Variants in WNT2B observed in about 807,000 individuals in gnomAD.
WNT2B encodes the protein Wnt family member 2B, also known as protein Wnt-2b.
In WNT2B, 19 loss-of-function variants were observed where a neutral mutation model predicts 40.5. The observed-to-expected ratio is 0.47, with a 90% confidence interval of 0.33 to 0.69. The LOEUF (loss-of-function observed/expected upper bound fraction) is 0.69, where lower values mean the gene tolerates loss of function less well. WNT2B is among the 30% of genes least tolerant of loss of function. The pLI, the probability that WNT2B is intolerant of heterozygous loss-of-function variation, is 0.02. For missense variants in WNT2B, 467 were observed against 556.4 expected, an observed-to-expected ratio of 0.84 and a Z score of 1.62; for synonymous variants, 220 against 211.9, an observed-to-expected ratio of 1.04 and a Z score of -0.33.
intron 1 of WNT2B, among the ~76,000 whole-genome samples, chr1:112,496,985 C>A (rs974332716): frequency 6.6e-6 from 1 of 152,198 alleles, no homozygotes; most frequent in South Asian, 2.1e-4. Context: ...AGGCAAACAA[C>A]GTTAAATCCT....
intron 1 of WNT2B, among the ~76,000 whole-genome samples, chr1:112,483,181 T>TACACACACAC (rs58250277): frequency 8.4e-4 from 119 of 141,232 alleles, no homozygotes; most frequent in African/African-American, 9.9e-4. Flanking sequence ...GCAACATAGA[T>TACACACACAC]ACACACACAC....
chr1:112,505,589 A>G (rs1557917385), upstream of WNT2B, among the ~76,000 whole-genome samples: 1 of 152,240 alleles, frequency 6.6e-6, no homozygotes, highest in Non-Finnish European at 1.5e-5. Context: ...TCTGCCTGGC[A>G]GCCCCACAAC....
chr1:112,490,492 CTT>C (rs200730941), intron 1 of WNT2B, among the ~76,000 whole-genome samples: 15 of 142,516 alleles, frequency 1.1e-4, no homozygotes, highest in Admixed American at 2.1e-4. Context: ...AACTCATATT[CTT>C]TTTTTTTTTT....
At chr1:112,495,793 T>C (rs932765829) in intron 1 of WNT2B, among the ~76,000 whole-genome samples, 1 of 152,178 alleles carries the variant, frequency 6.6e-6, no homozygotes, top group Non-Finnish European at 1.5e-5. Context: ...TTGGGCAGTT[T>C]ATAAAGGACA....
At chr1:112,514,359 C>A (rs1652452756) in intron 1 of WNT2B, among the ~76,000 whole-genome samples, 1 of 152,144 alleles carries the variant, frequency 6.6e-6, no homozygotes, top group Non-Finnish European at 1.5e-5. Context: ...GTAAACGTTA[C>A]TCAGATTGCT....
At chr1:112,484,063 C>T (rs9429481) in intron 1 of WNT2B, among the ~76,000 whole-genome samples, 3,085 of 147,734 alleles carry the variant, frequency 0.021, 99 homozygotes, top group African/African-American at 0.07. Context: ...GAGTTCAAGA[C>T]GAACCTGAGC....
At position 112,471,545 on chromosome 1, in the gene WNT2B, A is replaced by G. The variant is rs114218041; in HGVS notation, c.-95+3954A>G. On this transcript the variant is annotated intron_variant, in intron 1 of 4. Coordinates refer to the WNT2B transcript ENST00000256640. ...CTAATGTCTCTAGTCAGCCATTTTG[A>G]ACCCCTATCTCAGTTTTTTGAGAGA... 5.2e-3 allele frequency among the ~76,000 whole-genome samples: 788 copies of G among 152,284 alleles called. 4 individuals carry two copies. Among genetic ancestry groups the G allele is most frequent in the African/African-American group, 0.018 (745 of 41,556 alleles).
chr1:112,513,286 T>C (rs976224910), intron 1 of WNT2B, among the ~76,000 whole-genome samples: 7 of 152,198 alleles, frequency 4.6e-5, no homozygotes, highest in Admixed American at 1.3e-4. Context: ...TCAGGCAGCC[T>C]TTCCGGCCTG....
Position 112,516,375 on chromosome 1 carries a change from C to T in WNT2B, c.639C>T (p.Ala213=), listed in dbSNP as rs777884674. The T allele has an allele frequency of 6.2e-7, 1 of 1,613,784 alleles. No homozygotes were observed. The highest frequency in any genetic ancestry group is 8.5e-7 in the Non-Finnish European group (1 of 1,179,984). The part of the protein sequence containing the change: ...VDAKEKRLKD[A]RALMNLHNNR... The stretch of plus-strand genomic sequence containing the variant: ...CCAAGGAGAAGAGGCTTAAGGATGC[C>T]CGGGCCCTCATGAACTTACATAATA... The change falls in exon 3 of 5, where the codon GCC becomes GCT. Residue 213 remains alanine, a synonymous_variant. Transcript: ENST00000369684.
upstream of WNT2B, chr1:112,508,788 G>C (rs1652221458): frequency 2.0e-6 from 2 of 987,852 alleles, no homozygotes; most frequent in South Asian, 4.7e-5. This position sits in a 1 kb window ranked among gnomAD's most constrained non-coding sequence, Gnocchi z 4.2. Context: ...GAGCAGGTGG[G>C]GGTGCAGCGC....
chr1:112,517,302 G>A lies in WNT2B; in HGVS notation c.863G>A (p.Arg288His), dbSNP rs143127439. ...TQDGANFTAA[R>H]QGYRRATRTD... ...GATGGTGCCAACTTCACCGCAGCCC[G>A]CCAAGGCTATCGCCGTGCCACCCGG... The change falls in exon 4 of 5, where the codon CGC becomes CAC. Residue 288 changes from arginine (R) to histidine (H), a missense_variant. By Grantham distance (29) the Arg-to-His change is conservative. This residue lies in a region of WNT2B where 330 missense variants were observed against 438.6 expected (regional missense o/e 0.75). Coordinates refer to ENST00000369684, the MANE Select transcript of WNT2B (RefSeq NM_024494.3). The A allele has an allele frequency of 2.4e-5, 39 of 1,614,152 alleles. No individual in the cohort carries two copies. Among genetic ancestry groups the A allele is most frequent in the Middle Eastern group, 1.6e-4 (1 of 6,062 alleles).
chr1:112,519,879 T>TTTTTTTG (rs1652766198), intron 4 of WNT2B, among the ~76,000 whole-genome samples: 1 of 148,640 alleles, frequency 6.7e-6, no homozygotes, highest in South Asian at 2.1e-4. Flanking sequence ...CTTCTTTTTT[T>TTTTTTTG]TTTTTTTTTT....
chr1:112,511,520 T>G (rs1570791236), intron 1 of WNT2B, among the ~76,000 whole-genome samples: 1 of 152,210 alleles, frequency 6.6e-6, no homozygotes, highest in African/African-American at 2.4e-5. Flanking sequence ...GGAAGAGAAA[T>G]GCCTGTTGAC....
chr1:112,479,523 A>G (rs1296837364), intron 1 of WNT2B, among the ~76,000 whole-genome samples: 1 of 151,020 alleles, frequency 6.6e-6, no homozygotes, highest in East Asian at 2.0e-4. Context: ...GCAGTGAGCC[A>G]AGATCACACC....
chr1:112,469,977 T>C (rs1447641193), intron 1 of WNT2B, among the ~76,000 whole-genome samples: 1 of 152,232 alleles, frequency 6.6e-6, no homozygotes, highest in Non-Finnish European at 1.5e-5. Context: ...GAGTAGCTCA[T>C]CTTTTAGTCA....
chr1:112,490,437 T>C (rs1046671355), intron 1 of WNT2B, among the ~76,000 whole-genome samples: 2 of 151,986 alleles, frequency 1.3e-5, no homozygotes, highest in Non-Finnish European at 2.9e-5. Context: ...AGAAAGGGGC[T>C]CAAAGAGAGA....
At position 112,479,431 on chromosome 1, in the gene WNT2B, G is replaced by A. The variant is rs562662567; in HGVS notation, c.-95+11840G>A. On this transcript the variant is annotated intron_variant, in intron 1 of 4. Coordinates refer to the WNT2B transcript ENST00000256640. ...TCTACTAAAAATACAAAAATTAGCC[G>A]GTTGTGGTGGCAGGCACCTGTAATC... Among the ~76,000 whole-genome samples, 49 of 151,218 alleles carry A rather than the reference G, an allele frequency of 3.2e-4. No individual in the cohort carries two copies. The East Asian group carries it at 5.7e-3, about 18-fold the overall frequency.
Position 112,515,476 on chromosome 1 carries a change from C to G in WNT2B, c.403+382C>G, listed in dbSNP as rs913356469. 1.3e-5 allele frequency among the ~76,000 whole-genome samples: 2 copies of G among 152,106 alleles called. No homozygotes were observed. The highest frequency in any genetic ancestry group is 4.8e-5 in the African/African-American group (2 of 41,358). ...TATCGTCACCCCAACACTCCCAACA[C>G]TACAGTAATGGGAACAAAAGATAAA... On this transcript the variant is annotated intron_variant, in intron 2 of 4. Transcript: ENST00000369684. The surrounding 1 kb of genome is among the most constrained non-coding windows in gnomAD (Gnocchi z 4.4).
At chr1:112,482,255 G>C (rs139450887) in intron 1 of WNT2B, among the ~76,000 whole-genome samples, 57 of 152,176 alleles carry the variant, frequency 3.7e-4, no homozygotes, top group African/African-American at 1.4e-3. Context: ...AGAGGTCAAG[G>C]CTGCAGTGAG....
Sources: gnomAD v4.1 joint callset for allele counts (sites outside exome capture counted in the v4.1 genomes callset) on GRCh38, gnomAD v4.1.1 for gene constraint, gnomAD v4.1.1 regional missense constraint, Gnocchi (gnomAD v3.1) non-coding constraint, MANE v1.5 for transcripts, NCBI Gene and HGNC (gene_info 2026-07-23, HGNC 2026-07-21) for gene names.